Variants in HHAT observed in about 807,000 individuals in gnomAD.
HHAT encodes the protein hedgehog acyltransferase, also known as protein-cysteine N-palmitoyltransferase HHAT.
A neutral mutation model predicts 70.8 loss-of-function variants in HHAT; 47 were observed. That is an observed-to-expected ratio of 0.66 (90% CI 0.53 to 0.85). The LOEUF is 0.85. HHAT is among the 40% of genes least tolerant of loss of function. The probability of loss-of-function intolerance (pLI) is 0.00; values close to 1 mark genes in which losing one functional copy is unlikely to be tolerated. For synonymous variants in HHAT, 228 were observed against 247.6 expected, an observed-to-expected ratio of 0.92 and a Z score of 0.74; for missense variants, 609 against 604.8, an observed-to-expected ratio of 1.01 and a Z score of -0.07.
chr1:210,647,545 C>T (rs368780404), intron 11 of HHAT, among the ~76,000 whole-genome samples: 5 of 152,086 alleles, frequency 3.3e-5, no homozygotes, highest in East Asian at 1.9e-4. Context: ...GTACCCTGGC[C>T]GCCATCCTCC....
intron 6 of HHAT, among the ~76,000 whole-genome samples, chr1:210,411,616 G>A (rs570755769): frequency 4.6e-5 from 7 of 152,184 alleles, no homozygotes; most frequent in South Asian, 2.1e-4. Flanking sequence ...TCAGCCAGGC[G>A]TGGTGGTACA....
At chr1:210,377,056 T>C (rs559585153) in intron 3 of HHAT, among the ~76,000 whole-genome samples, 3 of 152,234 alleles carry the variant, frequency 2.0e-5, no homozygotes, top group Admixed American at 6.5e-5. Context: ...ACTTCCTAAG[T>C]ATAAAGTAAG....
chr1:210,501,007 T>TG lies in HHAT; in HGVS notation c.1008-12146_1008-12145insG, dbSNP rs2094742511. Among the ~76,000 whole-genome samples the TG allele has an allele frequency of 2.0e-5, 3 of 152,268 alleles. No homozygotes were observed. In the South Asian group the frequency reaches 6.2e-4, roughly 32 times the overall value. On this transcript the variant is annotated intron_variant, in intron 8 of 11. Coordinates refer to ENST00000261458, the MANE Select transcript of HHAT (RefSeq NM_018194.6). ...CCCTTCCTGCGCGCCTCTCCTGCCC[T>TG]CCCCCATGCTGGTAAAATGTAAACA...
At chr1:210,346,797 C>T (rs1164869342) in intron 1 of HHAT, among the ~76,000 whole-genome samples, 1 of 152,238 alleles carries the variant, frequency 6.6e-6, no homozygotes, top group Non-Finnish European at 1.5e-5. Context: ...GTCTGAGTAA[C>T]TGTACACTGG....
At chr1:210,481,549 A>G (rs576404451) in intron 8 of HHAT, among the ~76,000 whole-genome samples, 17 of 152,200 alleles carry the variant, frequency 1.1e-4, no homozygotes, top group Non-Finnish European at 1.9e-4. Context: ...AAGGCACTAA[A>G]TAGGTGGTAG....
intron 10 of HHAT, among the ~76,000 whole-genome samples, chr1:210,604,686 G>A (rs1308576771): frequency 1.3e-5 from 2 of 152,188 alleles, no homozygotes; most frequent in East Asian, 3.9e-4. Context: ...ACCCTAGGGA[G>A]GTTTTGATTA....
At chr1:210,373,163 T>C (rs1336986766) in intron 3 of HHAT, among the ~76,000 whole-genome samples, 1 of 152,138 alleles carries the variant, frequency 6.6e-6, no homozygotes, top group African/African-American at 2.4e-5. Context: ...AAAGTTAATT[T>C]ACACACAAAC....
rs543655606 is a variant in HHAT, at chr1:210,653,143, A to G, written c.1391-21145A>G. On this transcript the variant is annotated intron_variant, in intron 11 of 11. Coordinates refer to ENST00000261458, the MANE Select transcript of HHAT (RefSeq NM_018194.6). Reference sequence around the variant, plus strand: ...TCAAAACAGCTTTATACATACATACATACATACATACATGGGACAATTCCC... The same window carrying G: ...TCAAAACAGCTTTATACATACATACGTACATACATACATGGGACAATTCCC... Among the ~76,000 whole-genome samples the G allele has an allele frequency of 7.2e-5, 11 of 152,282 alleles. No homozygotes were observed. The East Asian group carries it at 2.1e-3, about 29-fold the overall frequency.
chr1:210,345,094 C>T (rs947682152), intron 1 of HHAT, among the ~76,000 whole-genome samples: 1 of 152,148 alleles, frequency 6.6e-6, no homozygotes, highest in African/African-American at 2.4e-5. Flanking sequence ...TGCCATACCT[C>T]TATCTTGCTA....
chr1:210,579,577 A>G (rs1057377737), intron 9 of HHAT, among the ~76,000 whole-genome samples: 1 of 152,132 alleles, frequency 6.6e-6, no homozygotes, highest in Non-Finnish European at 1.5e-5. Context: ...AGCACCTCAT[A>G]CTCAAAGAAG....
rs1015910251 is a variant in HHAT at position 210,573,912 on chromosome 1, C to A, written c.1044-13986C>A. Among the ~76,000 whole-genome samples, 4 of 152,092 alleles carry A rather than the reference C, an allele frequency of 2.6e-5. 1 individual carries two copies. The South Asian group carries it at 8.3e-4, about 32-fold the overall frequency. On this transcript the variant is annotated intron_variant, in intron 9 of 11. Transcript: ENST00000261458. ...CAAAAGAAGAGGCAAAAGAGATGAA[C>A]CAGGGAAATGAGAGGGATGAAGGAA...
At chr1:210,361,872 A>G (rs570774725) in intron 2 of HHAT, among the ~76,000 whole-genome samples, 14 of 152,150 alleles carry the variant, frequency 9.2e-5, no homozygotes, top group Non-Finnish European at 1.9e-4. Context: ...CCTACAGGAC[A>G]TCGCACAGAC....
chr1:210,329,012 T>G lies in HHAT; in HGVS notation c.-136T>G. 1.4e-6 allele frequency: 2 copies of G among 1,389,098 alleles called. No homozygotes were observed. The highest frequency in any genetic ancestry group is 1.9e-6 in the Non-Finnish European group (2 of 1,070,910). 86.0% of individuals were successfully genotyped at this position (1,389,098 alleles called of 1,614,324 possible). A position where few individuals can be genotyped will look rare whatever the true frequency, so the allele number is the denominator to read the frequency against. On this transcript the variant is annotated 5_prime_UTR_variant, in exon 1 of 12. An upstream start codon of the reference 5' UTR is lost. Coordinates refer to ENST00000261458, the MANE Select transcript of HHAT (RefSeq NM_018194.6). ...CGGGGAAGCCCGCAGCCGCCGCCGA[T>G]GTCGCTGGGACTCGGAAGTGCCGAA...
intron 3 of HHAT, among the ~76,000 whole-genome samples, chr1:210,382,024 A>G (rs1408295409): frequency 1.3e-5 from 2 of 152,240 alleles, no homozygotes; most frequent in African/African-American, 2.4e-5. Context: ...ACAGAACCAG[A>G]ATTTTAGCCA....
chr1:210,641,656 A>G (rs1672987308), intron 11 of HHAT, among the ~76,000 whole-genome samples: 1 of 152,244 alleles, frequency 6.6e-6, no homozygotes, highest in African/African-American at 2.4e-5. Flanking sequence ...GTTTGCTTAT[A>G]TGCAATTTTG....
At chr1:210,353,819 A>T (rs1247964033) in intron 2 of HHAT, among the ~76,000 whole-genome samples, 1 of 151,686 alleles carries the variant, frequency 6.6e-6, no homozygotes, top group East Asian at 1.9e-4. Context: ...TTTCTAACTC[A>T]TTGATTTTTG....
intron 11 of HHAT, among the ~76,000 whole-genome samples, chr1:210,630,107 C>CT (rs577962169): frequency 9.2e-4 from 140 of 152,280 alleles, no homozygotes; most frequent in African/African-American, 3.3e-3. Context: ...TCCCAAAGTG[C>CT]TAGGATTACA....
intron 11 of HHAT, among the ~76,000 whole-genome samples, chr1:210,637,877 G>C (rs112922836): frequency 6.0e-5 from 9 of 149,890 alleles, no homozygotes; most frequent in Admixed American, 6.7e-5. Context: ...AAAAAGGGGG[G>C]GGCAAAGGAC....
intron 9 of HHAT, among the ~76,000 whole-genome samples, chr1:210,550,486 TAAATG>T (rs2095518849): frequency 6.7e-6 from 1 of 149,034 alleles, no homozygotes; most frequent in Non-Finnish European, 1.5e-5. Context: ...CTGTTCAGCT[TAAATG>T]ATATGAAGCT....
Sources: gnomAD v4.1 joint callset for allele counts (sites outside exome capture counted in the v4.1 genomes callset) on GRCh38, gnomAD v4.1.1 for gene constraint, MANE v1.5 for transcripts, NCBI Gene and HGNC (gene_info 2026-07-23, HGNC 2026-07-21) for gene names.